Variants in GABBR2 observed in about 807,000 individuals in gnomAD.
GABBR2 encodes gamma-aminobutyric acid type B receptor subunit 2.
A neutral mutation model predicts 105.6 loss-of-function variants in GABBR2; 23 were observed. The ratio of observed to expected loss-of-function variants is 0.22; its 90% confidence interval spans 0.16 to 0.31. The LOEUF (loss-of-function observed/expected upper bound fraction) is 0.31, where lower values mean the gene tolerates loss of function less well. Among genes scored for constraint, GABBR2 ranks in the 10% least tolerant of loss-of-function variants. The pLI is 1.00. For missense variants in GABBR2, 734 were observed against 1,245.5 expected, an observed-to-expected ratio of 0.59 and a Z score of 6.18; for synonymous variants, 478 against 499.7, an observed-to-expected ratio of 0.96 and a Z score of 0.58.
intron 7 of GABBR2, among the ~76,000 whole-genome samples, chr9:98,435,585 C>T: frequency 6.6e-6 from 1 of 152,134 alleles, no homozygotes; most frequent in Middle Eastern, 3.2e-3. Context: ...CAGGTTGCTC[C>T]CTTGCTAGAC....
At chr9:98,553,735 A>G (rs765923901) in intron 2 of GABBR2, among the ~76,000 whole-genome samples, 27 of 152,150 alleles carry the variant, frequency 1.8e-4, no homozygotes, top group Non-Finnish European at 2.8e-4. Context: ...GTGCAAAACA[A>G]CCCTATGAAG....
intron 13 of GABBR2, among the ~76,000 whole-genome samples, chr9:98,356,231 A>T (rs1326208650): frequency 2.0e-5 from 3 of 152,248 alleles, no homozygotes; most frequent in Non-Finnish European, 4.4e-5. Context: ...TGAAAAAGAC[A>T]ATGTAAGAGA....
chr9:98,465,877 C>T (rs917290656), intron 6 of GABBR2, among the ~76,000 whole-genome samples: 1 of 152,194 alleles, frequency 6.6e-6, no homozygotes, highest in Non-Finnish European at 1.5e-5. Flanking sequence ...TGTTCCTGCC[C>T]AAATCCCATG....
intron 12 of GABBR2, among the ~76,000 whole-genome samples, chr9:98,370,612 A>C (rs984956937): frequency 6.6e-6 from 1 of 152,204 alleles, no homozygotes; most frequent in Non-Finnish European, 1.5e-5. Context: ...TGGGAGAGGG[A>C]GAAGTTGTGC....
intron 2 of GABBR2, among the ~76,000 whole-genome samples, chr9:98,552,973 C>T (rs1343831265): frequency 3.9e-5 from 6 of 152,150 alleles, no homozygotes; most frequent in Non-Finnish European, 5.9e-5. Flanking sequence ...AACTCTTGGG[C>T]TCAAGCATCC....
chr9:98,621,016 G>A (rs1209538232), intron 1 of GABBR2, among the ~76,000 whole-genome samples: 1 of 152,188 alleles, frequency 6.6e-6, no homozygotes, highest in Admixed American at 6.5e-5. Flanking sequence ...GGAAAAAAAA[G>A]CTATTATTGT....
At chr9:98,607,529 T>C (rs768044121) in intron 1 of GABBR2, 127 of 605,398 alleles carry the variant, frequency 2.1e-4, no homozygotes, top group Middle Eastern at 4.4e-4. Context: ...GAAAATAAAC[T>C]TGTTAAAAAG....
rs796720120 is a variant in GABBR2, at chr9:98,393,029, C to CCCAACCATCCATCCATCCACCCAACCAT, written c.1378+1145_1378+1146insATGGTTGGGTGGATGGATGGATGGTTGG. ...ATTCACACACCCATCCATGCATCCACCCATCCATCCATCCATCCATCCATC... is the reference window on the plus strand; with the variant it reads ...ATTCACACACCCATCCATGCATCCACCCAACCATCCATCCATCCACCCAACCATCCATCCATCCATCCATCCATCCATC... On this transcript the variant is annotated intron_variant, in intron 9 of 18. Coordinates refer to ENST00000259455, the MANE Select transcript of GABBR2 (RefSeq NM_005458.8). Among the ~76,000 whole-genome samples, 297 of 123,142 alleles carry CCCAACCATCCATCCATCCACCCAACCAT rather than the reference C, an allele frequency of 2.4e-3. 5 individuals carry two copies. Among genetic ancestry groups the CCCAACCATCCATCCATCCACCCAACCAT allele is most frequent in the African/African-American group, 9.4e-3 (285 of 30,420 alleles). 80.8% of individuals were successfully genotyped at this position (123,142 alleles called of 152,430 possible). A position where few individuals can be genotyped will look rare whatever the true frequency, so the allele number is the denominator to read the frequency against.
chr9:98,491,422 C>A (rs1317173604), intron 4 of GABBR2, among the ~76,000 whole-genome samples: 1 of 152,204 alleles, frequency 6.6e-6, no homozygotes, highest in Non-Finnish European at 1.5e-5. Flanking sequence ...CCTATTTGAA[C>A]TTCTGGTCAG....
chr9:98,632,137 G>T (rs143889950), intron 1 of GABBR2, among the ~76,000 whole-genome samples: 4 of 152,206 alleles, frequency 2.6e-5, no homozygotes, highest in Non-Finnish European at 5.9e-5. Context: ...AGCAAGACTG[G>T]GTATCATTTA....
At chr9:98,565,448 CATA>C (rs1347203237) in intron 2 of GABBR2, among the ~76,000 whole-genome samples, 3 of 152,142 alleles carry the variant, frequency 2.0e-5, no homozygotes, top group Non-Finnish European at 2.9e-5. Context: ...AGCCACAGGT[CATA>C]ATGACACAAC....
intron 13 of GABBR2, among the ~76,000 whole-genome samples, chr9:98,319,216 G>A (rs1449824037): frequency 6.6e-6 from 1 of 152,126 alleles, no homozygotes; most frequent in Admixed American, 6.5e-5. Flanking sequence ...GGTGCGGTGT[G>A]ACTCGCAAGC....
chr9:98,502,974 G>T (rs902815933), intron 3 of GABBR2, among the ~76,000 whole-genome samples: 1 of 152,154 alleles, frequency 6.6e-6, no homozygotes, highest in African/African-American at 2.4e-5. Flanking sequence ...TTCAGGAACC[G>T]TCTGAGGTAG....
At chr9:98,352,288 A>T (rs1831412664) in intron 13 of GABBR2, among the ~76,000 whole-genome samples, 1 of 152,208 alleles carries the variant, frequency 6.6e-6, no homozygotes, top group Non-Finnish European at 1.5e-5. Context: ...TTGTGTGTGG[A>T]CATCAGAAGT....
At chr9:98,374,134 C>G (rs116917550) in intron 11 of GABBR2, among the ~76,000 whole-genome samples, 1 of 152,126 alleles carries the variant, frequency 6.6e-6, no homozygotes, top group Non-Finnish European at 1.5e-5. Context: ...GTTGGGAGTA[C>G]AGGCAAGAGC....
chr9:98,596,024 A>G (rs972220923), intron 1 of GABBR2, among the ~76,000 whole-genome samples: 6 of 152,286 alleles, frequency 3.9e-5, no homozygotes, highest in Middle Eastern at 3.4e-3. Flanking sequence ...TGCCCCTTCC[A>G]TGGGCTGAGC....
At chr9:98,503,598 G>C (rs1827447575) in intron 3 of GABBR2, among the ~76,000 whole-genome samples, 1 of 152,094 alleles carries the variant, frequency 6.6e-6, no homozygotes, top group African/African-American at 2.4e-5. Flanking sequence ...GATCGGCTTG[G>C]GGGTACATTC....
At chr9:98,303,491 C>T (rs1179226524) in intron 15 of GABBR2, 68 bp from the exon 16 acceptor site, 5 of 1,355,954 alleles carry the variant, frequency 3.7e-6, no homozygotes, top group South Asian at 1.3e-5. Flanking sequence ...TCCCACATGG[C>T]AGACTCTCCC....
intron 2 of GABBR2, among the ~76,000 whole-genome samples, chr9:98,563,706 C>T (rs553629468): frequency 2.0e-4 from 31 of 152,288 alleles, no homozygotes; most frequent in Non-Finnish European, 3.7e-4. Flanking sequence ...ATGCTTAAAT[C>T]AGCATTTATG....
Sources: allele counts gnomAD v4.1 joint callset (sites outside exome capture counted in the v4.1 genomes callset), GRCh38; gene constraint gnomAD v4.1.1; transcripts MANE v1.5; gene names NCBI Gene and HGNC (gene_info 2026-07-23, HGNC 2026-07-21).